MARCHF1: variants seen among roughly 807,000 people sequenced by gnomAD.
MARCHF1 encodes the protein membrane associated ring-CH-type finger 1.
In MARCHF1, 40 loss-of-function variants were observed where a neutral mutation model predicts 54.2. The ratio of observed to expected loss-of-function variants is 0.74; its 90% CI spans 0.57 to 0.96. MARCHF1 has a LOEUF of 0.96. Ranked by LOEUF, MARCHF1 falls within the 40% of genes least tolerant of loss-of-function variation. MARCHF1 has a pLI of 0.00. For synonymous variants in MARCHF1, 236 were observed against 236.3 expected (o/e 1.00, Z 0.01); for missense variants, 586 against 656.5 (o/e 0.89, Z 1.17).
chr4:164,102,923 T>C lies in MARCHF1; in HGVS notation c.-248+8665A>G, dbSNP rs1755602787. Among the ~76,000 whole-genome samples the C allele has an allele frequency of 1.8e-5, 2 of 112,598 alleles. 1 individual carries two copies. Among genetic ancestry groups the C allele is most frequent in the South Asian group, 6.1e-4 (2 of 3,288 alleles). The allele number at this position is 112,598 out of a possible 152,430, so 73.9% of individuals were successfully genotyped here. The stretch of plus-strand genomic sequence containing the variant: ...CAAAATAAAAGGATGGAGGAAGATC[T>C]ACCAAGCCAATGGAAAACAAAAAAA... On this transcript the variant is annotated intron_variant, in intron 2 of 9. Transcript: ENST00000514618.
At chr4:164,145,407 G>A (rs1729653625) in intron 1 of MARCHF1, among the ~76,000 whole-genome samples, 1 of 151,882 alleles carries the variant, frequency 6.6e-6, no homozygotes, top group African/African-American at 2.4e-5. Flanking sequence ...GATGAACATT[G>A]ATGCAAAAAT....
At chr4:163,882,227 G>A (rs539152197) in intron 3 of MARCHF1, among the ~76,000 whole-genome samples, 1 of 152,176 alleles carries the variant, frequency 6.6e-6, no homozygotes, top group Non-Finnish European at 1.5e-5. Context: ...ATAAACACAG[G>A]ATTGTGTCTC....
chr4:163,573,365 GGTTA>G (rs1379000989), intron 8 of MARCHF1, among the ~76,000 whole-genome samples: 1 of 150,616 alleles, frequency 6.6e-6, no homozygotes, highest in Admixed American at 6.6e-5. Context: ...ACAATGTGCA[GGTTA>G]GTTACACGTG....
At chr4:164,185,848 A>C (rs943093476) in intron 1 of MARCHF1, among the ~76,000 whole-genome samples, 1 of 151,932 alleles carries the variant, frequency 6.6e-6, no homozygotes, top group Non-Finnish European at 1.5e-5. Context: ...TAAAGTTCTT[A>C]GCAAGAGTCT....
intron 3 of MARCHF1, among the ~76,000 whole-genome samples, chr4:163,985,916 A>G (rs1752852763): frequency 6.6e-6 from 1 of 152,168 alleles, no homozygotes; most frequent in Admixed American, 6.6e-5. Context: ...TTCTTTAGAA[A>G]GCATCGCCAC....
At chr4:164,283,712 A>G (rs1384419547) in intron 1 of MARCHF1, among the ~76,000 whole-genome samples, 2 of 150,942 alleles carry the variant, frequency 1.3e-5, no homozygotes, top group African/African-American at 2.4e-5. Flanking sequence ...AGCAAAATGG[A>G]GTCCAAAATT....
intron 3 of MARCHF1, among the ~76,000 whole-genome samples, chr4:163,925,230 G>GA (rs55806259): frequency 6.6e-6 from 1 of 151,632 alleles, no homozygotes; most frequent in Non-Finnish European, 1.5e-5. Flanking sequence ...AGATTAATAA[G>GA]AAAAAAACAA....
At chr4:164,119,346 ATATAG>A (rs1187666239) in intron 1 of MARCHF1, among the ~76,000 whole-genome samples, 7 of 151,668 alleles carry the variant, frequency 4.6e-5, no homozygotes, top group Non-Finnish European at 8.9e-5. Context: ...CTATAGGATT[ATATAG>A]TATAAGCAAT....
At chr4:164,338,614 G>T (rs1485935929) in intron 1 of MARCHF1, among the ~76,000 whole-genome samples, 1 of 152,112 alleles carries the variant, frequency 6.6e-6, no homozygotes, top group Non-Finnish European at 1.5e-5. Context: ...AATTATATAA[G>T]ACAAAACAGA....
chr4:163,546,489 ATCT>A (rs904416843), intron 8 of MARCHF1, among the ~76,000 whole-genome samples: 1 of 152,212 alleles, frequency 6.6e-6, no homozygotes, highest in African/African-American at 2.4e-5. Flanking sequence ...AGGTAACACT[ATCT>A]TCTTGGATTA....
intron 3 of MARCHF1, among the ~76,000 whole-genome samples, chr4:163,960,045 A>G (rs1752316178): frequency 6.6e-6 from 1 of 152,112 alleles, no homozygotes; most frequent in Non-Finnish European, 1.5e-5. Flanking sequence ...GCCAACAAGC[A>G]TATGGAAAAA....
intron 4 of MARCHF1, among the ~76,000 whole-genome samples, chr4:163,804,282 C>T (rs773741426): frequency 1.3e-5 from 2 of 152,162 alleles, no homozygotes; most frequent in Non-Finnish European, 2.9e-5. Context: ...CACCAAATAC[C>T]TCCATTTTTG....
chr4:164,019,844 G>T (rs1286834845), intron 2 of MARCHF1, among the ~76,000 whole-genome samples: 3 of 152,190 alleles, frequency 2.0e-5, no homozygotes, highest in African/African-American at 7.2e-5. Flanking sequence ...CAAAGCCTGA[G>T]GCCTAATTGT....
chr4:164,281,176 T>C (rs570214864), intron 1 of MARCHF1, among the ~76,000 whole-genome samples: 8 of 152,254 alleles, frequency 5.3e-5, no homozygotes, highest in African/African-American at 1.4e-4. Context: ...TGGCATAGAA[T>C]AGTGTGATCA....
intron 1 of MARCHF1, among the ~76,000 whole-genome samples, chr4:164,267,156 CA>C (rs1408903450): frequency 6.6e-6 from 1 of 152,022 alleles, no homozygotes; most frequent in Admixed American, 6.6e-5. Flanking sequence ...TCCATTAGAC[CA>C]GAAAAGATAG....
chr4:164,177,009 T>TATATATATATACAC (rs1553989397), intron 1 of MARCHF1, among the ~76,000 whole-genome samples: 7 of 55,556 alleles, frequency 1.3e-4, no homozygotes, highest in Admixed American at 1.2e-3. Context: ...TATATATATA[T>TATATATATATACAC]ACAAATGATA....
intron 1 of MARCHF1, among the ~76,000 whole-genome samples, chr4:164,349,019 G>C (rs1023253711): frequency 6.6e-6 from 1 of 152,074 alleles, no homozygotes; most frequent in African/African-American, 2.4e-5. Context: ...CTCTATCTGG[G>C]AAGGCTTTAC....
chr4:163,534,653 C>G (rs920386506), intron 9 of MARCHF1, among the ~76,000 whole-genome samples: 9 of 152,004 alleles, frequency 5.9e-5, no homozygotes, highest in Admixed American at 3.3e-4. Context: ...ATTTTAGAAA[C>G]TTTAGAGTAC....
chr4:163,611,981 C>T (rs1300671723), intron 7 of MARCHF1, among the ~76,000 whole-genome samples: 1 of 152,094 alleles, frequency 6.6e-6, no homozygotes, highest in Non-Finnish European at 1.5e-5. Flanking sequence ...CTATTACTGT[C>T]ATAACTAGAA....
Sources: allele counts gnomAD v4.1 joint callset (sites outside exome capture counted in the v4.1 genomes callset), GRCh38; gene constraint gnomAD v4.1.1; transcripts MANE v1.5; gene names NCBI Gene and HGNC (gene_info 2026-07-23, HGNC 2026-07-21).